The following PEBP4 variants were observed in gnomAD, a reference collection of about 807,000 sequenced individuals.
PEBP4 encodes phosphatidylethanolamine binding protein 4, also known as phosphatidylethanolamine-binding protein 4.
PEBP4 carries 22 observed loss-of-function variants against 23.9 expected under a neutral mutation model. The observed-to-expected ratio is 0.92, with a 90% CI of 0.66 to 1.31. PEBP4 has a LOEUF of 1.31. Ranked by LOEUF, PEBP4 falls within the 40% of genes most tolerant of loss-of-function variation. PEBP4 has a pLI of 0.00. For missense variants in PEBP4, 324 were observed against 281.7 expected (o/e 1.15, Z -1.07); for synonymous variants, 112 against 99.3 (o/e 1.13, Z -0.76).
At chr8:22,926,337 T>G (rs958036697) in intron 2 of PEBP4, among the ~76,000 whole-genome samples, 1 of 151,670 alleles carries the variant, frequency 6.6e-6, no homozygotes, top group African/African-American at 2.4e-5. Context: ...AGTTTGTTAC[T>G]TTTTGTTGTT....
At chr8:22,789,495 G>T (rs375787791) in intron 4 of PEBP4, among the ~76,000 whole-genome samples, 2 of 152,224 alleles carry the variant, frequency 1.3e-5, no homozygotes, top group East Asian at 3.9e-4. Flanking sequence ...ATACTTAAGA[G>T]GTGACTCTAT....
At chr8:22,739,865 G>A (rs1804952089) in intron 4 of PEBP4, among the ~76,000 whole-genome samples, 1 of 152,154 alleles carries the variant, frequency 6.6e-6, no homozygotes, top group Non-Finnish European at 1.5e-5. Flanking sequence ...GAGATGAGGT[G>A]TCCTTGGGAA....
intron 4 of PEBP4, among the ~76,000 whole-genome samples, chr8:22,784,317 C>T (rs1585270450): frequency 6.6e-6 from 1 of 152,120 alleles, no homozygotes; most frequent in Admixed American, 6.5e-5. Context: ...ACAGCACACT[C>T]GGAGTGGGGG....
chr8:22,927,436 A>C, intron 2 of PEBP4, 148 bp downstream of exon 2: 1 of 918,210 alleles, frequency 1.1e-6, no homozygotes. Context: ...TCCTCCATCA[A>C]GGTGGTCTCC....
At chr8:22,859,826 A>T (rs114321412) in intron 3 of PEBP4, among the ~76,000 whole-genome samples, 1 of 151,882 alleles carries the variant, frequency 6.6e-6, no homozygotes, top group South Asian at 2.1e-4. Flanking sequence ...CTTGCCTTAC[A>T]TCTTTGTTTT....
At chr8:22,755,335 T>G in intron 4 of PEBP4, among the ~76,000 whole-genome samples, 1 of 101,270 alleles carries the variant, frequency 9.9e-6, no homozygotes, top group Non-Finnish European at 2.4e-5. Flanking sequence ...TCTTTTTTTT[T>G]TTTTTTTTTT....
chr8:22,827,666 G>A (rs1276157758), intron 3 of PEBP4, among the ~76,000 whole-genome samples: 2 of 152,166 alleles, frequency 1.3e-5, no homozygotes, highest in African/African-American at 4.8e-5. Context: ...TTTCCACTTT[G>A]GCTATTATGA....
At chr8:22,807,230 G>T (rs936479702) in intron 4 of PEBP4, among the ~76,000 whole-genome samples, 5 of 152,152 alleles carry the variant, frequency 3.3e-5, no homozygotes, top group Admixed American at 3.3e-4. Flanking sequence ...TGTAAGAGGG[G>T]ACAGAGCAGG....
At chr8:22,922,767 A>G (rs1809237491) in intron 2 of PEBP4, among the ~76,000 whole-genome samples, 1 of 151,516 alleles carries the variant, frequency 6.6e-6, no homozygotes, top group Non-Finnish European at 1.5e-5. Context: ...CAAAGGTGCC[A>G]CCTTCCTGTG....
intron 4 of PEBP4, among the ~76,000 whole-genome samples, chr8:22,810,905 A>AGAGAGAGT (rs1806612606): frequency 6.6e-6 from 1 of 151,628 alleles, no homozygotes; most frequent in African/African-American, 2.4e-5. Flanking sequence ...AGAGAGAGAG[A>AGAGAGAGT]GAGAGAGAGA....
chr8:22,861,833 A>C (rs1807782961), intron 3 of PEBP4, among the ~76,000 whole-genome samples: 1 of 152,178 alleles, frequency 6.6e-6, no homozygotes, highest in Non-Finnish European at 1.5e-5. Context: ...AAAGAAACAG[A>C]AAATGGGTTC....
intron 2 of PEBP4, chr8:22,925,468 C>A: frequency 2.5e-6 from 1 of 404,798 alleles, no homozygotes; most frequent in Non-Finnish European, 3.3e-6. Flanking sequence ...TCTGGGGATT[C>A]TTCATCTGCA....
At chr8:22,817,130 T>A (rs1182582183) in intron 4 of PEBP4, among the ~76,000 whole-genome samples, 1 of 152,204 alleles carries the variant, frequency 6.6e-6, no homozygotes, top group Non-Finnish European at 1.5e-5. Context: ...GCCACTTGTT[T>A]CTGTACACAA....
At chr8:22,797,534 T>A (rs1399717455) in intron 4 of PEBP4, among the ~76,000 whole-genome samples, 1 of 151,994 alleles carries the variant, frequency 6.6e-6, no homozygotes, top group African/African-American at 2.4e-5. Flanking sequence ...ATAACTTCGT[T>A]TTGGGAGAGA....
rs780585639 is a variant in PEBP4, at chr8:22,920,179, C to T, written c.258+5G>A. The T allele has an allele frequency of 1.2e-6, 2 of 1,610,542 alleles. No homozygotes were observed. Among genetic ancestry groups the T allele is most frequent in the South Asian group, 2.2e-5 (2 of 90,882 alleles). ...CCCCGCTTTAACACAGCCCTGCTCACTCACGTCCACGGCCCCCGGGAACTT... is the reference window on the plus strand; with the variant it reads ...CCCCGCTTTAACACAGCCCTGCTCATTCACGTCCACGGCCCCCGGGAACTT... On this transcript the variant is annotated splice_donor_5th_base_variant and intron_variant, in intron 3 of 6. Coordinates refer to ENST00000256404, the MANE Select transcript of PEBP4 (RefSeq NM_144962.3).
intron 1 of PEBP4, among the ~76,000 whole-genome samples, chr8:22,935,075 C>T (rs1481335587): frequency 6.6e-6 from 1 of 152,144 alleles, no homozygotes; most frequent in African/African-American, 2.4e-5. Context: ...CAGTTATAAA[C>T]CTATATGCAC....
intron 3 of PEBP4, among the ~76,000 whole-genome samples, chr8:22,819,633 C>A (rs1465059743): frequency 6.6e-6 from 1 of 151,964 alleles, no homozygotes; most frequent in East Asian, 1.9e-4. Context: ...TTTTTTGAGA[C>A]TGAGTCTCTC....
At chr8:22,823,448 A>C (rs1256653212) in intron 3 of PEBP4, among the ~76,000 whole-genome samples, 1 of 151,968 alleles carries the variant, frequency 6.6e-6, no homozygotes, top group African/African-American at 2.4e-5. Flanking sequence ...TACTCATATA[A>C]GAAATTTTCT....
chr8:22,826,986 G>A (rs1806984492), intron 3 of PEBP4, among the ~76,000 whole-genome samples: 1 of 152,200 alleles, frequency 6.6e-6, no homozygotes, highest in Non-Finnish European at 1.5e-5. Flanking sequence ...CACTGATGCT[G>A]AGAGGTAAAG....
Sources: allele counts gnomAD v4.1 joint callset (sites outside exome capture counted in the v4.1 genomes callset), GRCh38; gene constraint gnomAD v4.1.1; transcripts MANE v1.5; gene names NCBI Gene and HGNC (gene_info 2026-07-23, HGNC 2026-07-21).